Variants in CDK6 observed in about 807,000 individuals in gnomAD.
The protein encoded by CDK6 is cyclin-dependent kinase 6.
Under a neutral mutation model 37.1 loss-of-function variants are expected in CDK6, and 6 were observed. The ratio of observed to expected loss-of-function variants is 0.16; its 90% CI spans 0.09 to 0.32. The LOEUF is 0.32. Ranked by LOEUF, CDK6 falls within the 10% of genes least tolerant of loss-of-function variation. The pLI is 1.00. For missense variants in CDK6, 224 were observed against 418.9 expected (o/e 0.53, Z 4.06); for synonymous variants, 160 against 161.3 (o/e 0.99, Z 0.06).
intron 3 of CDK6, among the ~76,000 whole-genome samples, chr7:92,764,182 AG>A (rs1369632163): frequency 6.7e-6 from 1 of 149,076 alleles, no homozygotes; most frequent in Non-Finnish European, 1.5e-5. Context: ...TCTGTCACCC[AG>A]GCTGCTGTGC....
rs1367723386 is a variant in CDK6, at chr7:92,760,896, C to G, written c.369+13800G>C. Among the ~76,000 whole-genome samples the G allele has an allele frequency of 2.0e-5, 3 of 151,826 alleles. No homozygotes were observed. In the East Asian group the frequency reaches 5.8e-4, roughly 29 times the overall value. On this transcript the variant is annotated intron_variant, in intron 3 of 7. Coordinates refer to ENST00000424848, the MANE Select transcript of CDK6 (RefSeq NM_001145306.2). ...ATTTTCATAATGTATTTAATCATCC[C>G]CTATGGTACATTTTTTTATTGTTCA...
chr7:92,615,012 T>G lies in CDK6; in HGVS notation c.*128A>C. On this transcript the variant is annotated 3_prime_UTR_variant, in exon 8 of 8. Transcript: ENST00000424848. The stretch of plus-strand genomic sequence containing the variant: ...GGTTTCCTTGGAGAAGCAGAGCCTG[T>G]CCAGAAGACAGCAGCTGGAAGGCCT... 1 of 894,374 alleles carries G rather than the reference T, an allele frequency of 1.1e-6. No homozygotes were observed. The highest frequency in any genetic ancestry group is 1.8e-5 in the South Asian group (1 of 54,912). The allele number at this position is 894,374 out of a possible 1,614,324, so 55.4% of individuals were successfully genotyped here. A position where few individuals can be genotyped will look rare whatever the true frequency, so the allele number is the denominator to read the frequency against.
intron 3 of CDK6, among the ~76,000 whole-genome samples, chr7:92,726,014 T>C (rs1049427885): frequency 6.6e-6 from 1 of 152,132 alleles, no homozygotes; most frequent in Non-Finnish European, 1.5e-5. Context: ...ATTTTATTAA[T>C]GAAAGGACAA....
At position 92,819,830 on chromosome 7, in the gene CDK6, A is replaced by C. The variant is rs556706521; in HGVS notation, c.233+13261T>G. On this transcript the variant is annotated intron_variant, in intron 2 of 7. Transcript: ENST00000424848. ...GTAGACATTTGGAAAATAATATAGA[A>C]GTTTCTTTAGAATACAAAGCAAAAA... Among the ~76,000 whole-genome samples the C allele has an allele frequency of 2.0e-5, 3 of 152,170 alleles. No individual in the cohort carries two copies. The South Asian group carries it at 6.2e-4, about 31-fold the overall frequency.
intron 4 of CDK6, among the ~76,000 whole-genome samples, chr7:92,687,271 C>A (rs998963063): frequency 2.6e-5 from 4 of 152,308 alleles, no homozygotes; most frequent in Middle Eastern, 3.4e-3. Flanking sequence ...CTCTGTTACC[C>A]CCATAAAATT....
chr7:92,794,660 C>T (rs1260455130), intron 2 of CDK6, among the ~76,000 whole-genome samples: 1 of 152,114 alleles, frequency 6.6e-6, no homozygotes, highest in Non-Finnish European at 1.5e-5. Context: ...TCCCCTTCCA[C>T]CCTCCCTCTC....
intron 5 of CDK6, among the ~76,000 whole-genome samples, chr7:92,670,296 A>C (rs1468006122): frequency 6.6e-6 from 1 of 152,160 alleles, no homozygotes; most frequent in African/African-American, 2.4e-5. Flanking sequence ...ATGATCTCCT[A>C]TCCTATGAGC....
chr7:92,758,313 G>A (rs1218312149), intron 3 of CDK6, among the ~76,000 whole-genome samples: 1 of 152,166 alleles, frequency 6.6e-6, no homozygotes, highest in Non-Finnish European at 1.5e-5. Flanking sequence ...TTTTGTATAT[G>A]ATGTAAAGAA....
chr7:92,777,069 T>G (rs963065541), intron 2 of CDK6, among the ~76,000 whole-genome samples: 1 of 152,200 alleles, frequency 6.6e-6, no homozygotes, highest in East Asian at 1.9e-4. Flanking sequence ...CAGCTTGAAT[T>G]ACTTTTTGTA....
intron 2 of CDK6, among the ~76,000 whole-genome samples, chr7:92,800,207 C>T (rs891936720): frequency 6.6e-5 from 10 of 152,130 alleles, no homozygotes; most frequent in African/African-American, 2.4e-4. Context: ...ACCAGTTCAC[C>T]TGTCTCTAGA....
At chr7:92,777,640 T>C (rs1347443782) in intron 2 of CDK6, among the ~76,000 whole-genome samples, 2 of 152,234 alleles carry the variant, frequency 1.3e-5, no homozygotes, top group East Asian at 3.8e-4. Context: ...TGTAGCCTTG[T>C]AGTATAGTTT....
chr7:92,833,058 C>T lies in CDK6; in HGVS notation c.233+33G>A. ...TCGGCCCTCCCCGCGCGCGCGAGGC[C>T]CCAGATGGCGAGGGCGCAGCTCCCT... is the stretch of plus-strand genomic sequence containing the variant. On this transcript the variant is annotated intron_variant, in intron 2 of 7. Coordinates refer to ENST00000424848, the MANE Select transcript of CDK6 (RefSeq NM_001145306.2). The surrounding 1 kb of genome is among the most constrained non-coding windows in gnomAD (Gnocchi z 6.1). 1 of 1,478,280 alleles carries T rather than the reference C, an allele frequency of 6.8e-7. No individual in the cohort carries two copies. The highest frequency in any genetic ancestry group is 9.1e-7 in the Non-Finnish European group (1 of 1,094,614). The allele number at this position is 1,478,280 out of a possible 1,614,324, so 91.6% of individuals were successfully genotyped here. A position where few individuals can be genotyped will look rare whatever the true frequency, so the allele number is the denominator to read the frequency against.
At chr7:92,672,768 T>C (rs1242739763) in intron 4 of CDK6, among the ~76,000 whole-genome samples, 1 of 152,220 alleles carries the variant, frequency 6.6e-6, no homozygotes, top group East Asian at 1.9e-4. Context: ...TCTAGTTGTA[T>C]TATTATGGAT....
intron 2 of CDK6, among the ~76,000 whole-genome samples, chr7:92,821,489 T>G (rs1002006155): frequency 6.6e-6 from 1 of 152,030 alleles, no homozygotes; most frequent in Non-Finnish European, 1.5e-5. Flanking sequence ...CCAGAAAAAT[T>G]GCTTTAATAG....
At chr7:92,643,226 A>G (rs1039211796) in intron 5 of CDK6, among the ~76,000 whole-genome samples, 4 of 152,246 alleles carry the variant, frequency 2.6e-5, no homozygotes, top group African/African-American at 9.6e-5. Flanking sequence ...ACTAATGGGA[A>G]TAACACTGGT....
intron 2 of CDK6, among the ~76,000 whole-genome samples, chr7:92,825,650 TAG>T (rs1217368106): frequency 2.6e-5 from 4 of 152,314 alleles, no homozygotes; most frequent in Admixed American, 2.6e-4. Flanking sequence ...TCATCTTTTA[TAG>T]AAATTATTAG....
intron 3 of CDK6, among the ~76,000 whole-genome samples, chr7:92,761,365 G>A (rs1394971600): frequency 1.3e-5 from 2 of 152,078 alleles, no homozygotes; most frequent in Non-Finnish European, 2.9e-5. Context: ...CCACTCGTTT[G>A]GTATCCAAAG....
intron 2 of CDK6, among the ~76,000 whole-genome samples, chr7:92,831,755 C>G (rs1801487852): frequency 6.6e-6 from 1 of 152,178 alleles, no homozygotes; most frequent in East Asian, 1.9e-4. Context: ...TGCCTTCTAG[C>G]TTGAGTCTAA....
chr7:92,671,844 C>A (rs773555870), intron 4 of CDK6, among the ~76,000 whole-genome samples: 4 of 151,504 alleles, frequency 2.6e-5, no homozygotes, highest in East Asian at 3.9e-4. Context: ...TTTTCTCCCC[C>A]CCTTTAAGGG....
Sources: gnomAD v4.1 joint callset for allele counts (sites outside exome capture counted in the v4.1 genomes callset) on GRCh38, gnomAD v4.1.1 for gene constraint, Gnocchi (gnomAD v3.1) non-coding constraint, MANE v1.5 for transcripts, NCBI Gene and HGNC (gene_info 2026-07-23, HGNC 2026-07-21) for gene names.